SLC12A9: variants seen among roughly 807,000 people sequenced by gnomAD.
SLC12A9 encodes solute carrier family 12 member 9, also known as CCC-interacting protein 1.
Under a neutral mutation model 66.0 loss-of-function variants are expected in SLC12A9, and 55 were observed. That is an observed-to-expected ratio of 0.83 (90% CI 0.67 to 1.04). The LOEUF (loss-of-function observed/expected upper bound fraction) is 1.04, where lower values mean the gene tolerates loss of function less well. Ranked by LOEUF, SLC12A9 falls within the 50% of genes least tolerant of loss-of-function variation. The pLI, the probability that SLC12A9 is intolerant of heterozygous loss-of-function variation, is 0.00. For synonymous variants in SLC12A9, 577 were observed against 569.0 expected (o/e 1.01, Z -0.20); for missense variants, 1,061 against 1,241.9 (o/e 0.85, Z 2.19).
At chr7:100,865,169 G>C in intron 13 of SLC12A9, 1 of 1,214,428 alleles carries the variant, frequency 8.2e-7, no homozygotes, top group Non-Finnish European at 1.2e-6. Context: ...TATTGGCCAG[G>C]CTGGTCTCAA....
At chr7:100,862,966 A>G in intron 13 of SLC12A9, 139 bp downstream of exon 13, 1 of 1,021,778 alleles carries the variant, frequency 9.8e-7, no homozygotes, top group Non-Finnish European at 1.4e-6. Flanking sequence ...ACAGTGCTCA[A>G]AGATAATAGC....
intron 1 of SLC12A9, among the ~76,000 whole-genome samples, chr7:100,847,495 C>T (rs1275674237): frequency 6.6e-6 from 1 of 152,154 alleles, no homozygotes; most frequent in Non-Finnish European, 1.5e-5. Context: ...AGCTGCTCAG[C>T]TGAGAATAGA....
intron 1 of SLC12A9, among the ~76,000 whole-genome samples, chr7:100,835,487 T>C (rs1390580663): frequency 2.0e-5 from 3 of 150,252 alleles, no homozygotes; most frequent in Non-Finnish European, 4.4e-5. Flanking sequence ...CCGTCTCTAC[T>C]AAAAATACAA....
chr7:100,839,297 C>A (rs1336780466), intron 1 of SLC12A9, among the ~76,000 whole-genome samples: 2 of 151,928 alleles, frequency 1.3e-5, no homozygotes, highest in African/African-American at 4.8e-5. Context: ...GCACTCCAGC[C>A]TGGGCGACAG....
At chr7:100,860,522 T>G (rs1814684298) in intron 9 of SLC12A9, 1 of 440,244 alleles carries the variant, frequency 2.3e-6, no homozygotes, top group Non-Finnish European at 4.1e-6. Context: ...ACTAGTATTT[T>G]TCAGTATTCA....
At chr7:100,854,782 T>C in intron 3 of SLC12A9, 28 bp downstream of exon 3, 1 of 1,612,208 alleles carries the variant, frequency 6.2e-7, no homozygotes, top group Admixed American at 1.7e-5. Flanking sequence ...TGGACTGGGG[T>C]CTGGCCTGTT....
intron 1 of SLC12A9, among the ~76,000 whole-genome samples, chr7:100,828,008 T>A (rs951765763): frequency 3.3e-5 from 5 of 152,164 alleles, no homozygotes; most frequent in African/African-American, 9.7e-5. Flanking sequence ...GACTGCGTTT[T>A]GGGGGAAAAG....
chr7:100,849,051 C>T (rs997396486), upstream of SLC12A9, among the ~76,000 whole-genome samples: 2 of 150,972 alleles, frequency 1.3e-5, no homozygotes, highest in African/African-American at 2.4e-5. Context: ...CTGAACCTCC[C>T]GAGTAGCTGG....
Position 100,866,627 on chromosome 7 carries a change from G to A in SLC12A9, c.*22G>A. 6.6e-7 allele frequency: 1 copy of A among 1,511,804 alleles called. No individual in the cohort carries two copies. The highest frequency in any genetic ancestry group is 8.9e-7 in the Non-Finnish European group (1 of 1,126,216). 93.6% of individuals were successfully genotyped at this position (1,511,804 alleles called of 1,614,324 possible). ...GTGATGCCCCTGCCTCCAGGGCTAG[G>A]TAGAGAGGGCCCAGGCAGGCGGCCT... On this transcript the variant is annotated 3_prime_UTR_variant, in exon 14 of 14. Coordinates refer to ENST00000354161, the MANE Select transcript of SLC12A9 (RefSeq NM_020246.4). This position sits in a 1 kb window ranked among gnomAD's most constrained non-coding sequence, Gnocchi z 7.3.
At chr7:100,856,153 T>G (rs1814372237) in intron 4 of SLC12A9, 1 of 208,374 alleles carries the variant, frequency 4.8e-6, no homozygotes. Context: ...TGATAGCAGG[T>G]GGGCAGAGGA....
chr7:100,861,745 G>T lies in SLC12A9; in HGVS notation c.1545G>T (p.Lys515Asn). The T allele has an allele frequency of 6.2e-7, 1 of 1,614,166 alleles. No individual in the cohort carries two copies. The highest frequency in any genetic ancestry group is 8.5e-7 in the Non-Finnish European group (1 of 1,180,028). Residue 515 changes from lysine to asparagine, a missense_variant, in exon 12 of 14, where the codon AAG (lysine) becomes AAT (asparagine). Coordinates refer to ENST00000354161, the MANE Select transcript of SLC12A9 (RefSeq NM_020246.4). This position sits in a 1 kb window ranked among gnomAD's most constrained non-coding sequence, Gnocchi z 5.3. ...CTCACCCCTATACCCAGGTGCGTAA[G>T]TATCTGCTTCGGCTGGACGTCCGGA... ...SQALLFHQVRKYLLRLDVRKD... is the reference protein window; with the variant it reads ...SQALLFHQVRNYLLRLDVRKD...
chr7:100,862,318 G>A (rs924998531), intron 12 of SLC12A9, among the ~76,000 whole-genome samples: 2 of 152,054 alleles, frequency 1.3e-5, no homozygotes, highest in African/African-American at 4.8e-5. Context: ...GAGAGCAGTG[G>A]TGCCATCATA....
chr7:100,862,913 G>C, intron 13 of SLC12A9, 86 bp downstream of exon 13: 1 of 1,536,176 alleles, frequency 6.5e-7, no homozygotes, highest in Non-Finnish European at 8.9e-7. Flanking sequence ...GTCAGCCACA[G>C]ATTGCAAACT....
Position 100,861,638 on chromosome 7 carries a change from T to C in SLC12A9, c.1536+54T>C. The stretch of plus-strand genomic sequence containing the variant: ...AATGGGAGGTGGTCAAAGAACCCCC[T>C]CTCTCTTTGGCTGGAGTTGGTGCTC... On this transcript the variant is annotated intron_variant, in intron 11 of 13. Coordinates refer to ENST00000354161, the MANE Select transcript of SLC12A9 (RefSeq NM_020246.4). This position sits in a 1 kb window ranked among gnomAD's most constrained non-coding sequence, Gnocchi z 5.3. 1 of 1,606,026 alleles carries C rather than the reference T, an allele frequency of 6.2e-7. No homozygotes were observed. Among genetic ancestry groups the C allele is most frequent in the Non-Finnish European group, 8.5e-7 (1 of 1,175,030 alleles).
chr7:100,828,004 G>T (rs866640117), intron 1 of SLC12A9, among the ~76,000 whole-genome samples: 1 of 152,176 alleles, frequency 6.6e-6, no homozygotes, highest in Non-Finnish European at 1.5e-5. Context: ...CAGGGACTGC[G>T]TTTTGGGGGA....
intron 5 of SLC12A9, chr7:100,857,439 T>C (rs1415341264): frequency 5.7e-6 from 3 of 528,892 alleles, no homozygotes; most frequent in Middle Eastern, 5.0e-4. Flanking sequence ...ATCAGTTAAA[T>C]AGCACAGAAT....
intron 1 of SLC12A9, among the ~76,000 whole-genome samples, chr7:100,833,353 C>T (rs1813580559): frequency 1.3e-5 from 2 of 151,924 alleles, no homozygotes; most frequent in African/African-American, 4.8e-5. Context: ...CCTGTAATCC[C>T]AGCTACTCAG....
chr7:100,860,217 T>C lies in SLC12A9; in HGVS notation c.1203T>C (p.Ser401=). Residue 401 remains serine, a synonymous_variant, in exon 9 of 14, where the codon TCT becomes TCC. Transcript: ENST00000354161. ...GGNPWAAVLY[S]WGLVQLVLLA... Reference sequence around the variant, plus strand: ...ACCCCTGGGCAGCTGTACTTTATTCTTGGGGCCTGGTGCAGGTGAGCCTTC... The same window carrying C: ...ACCCCTGGGCAGCTGTACTTTATTCCTGGGGCCTGGTGCAGGTGAGCCTTC... 6.2e-6 allele frequency: 10 copies of C among 1,614,126 alleles called. No individual in the cohort carries two copies. Among genetic ancestry groups the C allele is most frequent in the Non-Finnish European group, 8.5e-6 (10 of 1,179,960 alleles).
intron 1 of SLC12A9, among the ~76,000 whole-genome samples, chr7:100,836,007 TG>T (rs954865462): frequency 6.6e-6 from 1 of 152,046 alleles, no homozygotes; most frequent in African/African-American, 2.4e-5. Context: ...GGAGAGGTAG[TG>T]GGAGGCTCAT....
Sources: allele counts gnomAD v4.1 joint callset (sites outside exome capture counted in the v4.1 genomes callset), GRCh38; gene constraint gnomAD v4.1.1; non-coding constraint Gnocchi (gnomAD v3.1); transcripts MANE v1.5; gene names NCBI Gene and HGNC (gene_info 2026-07-23, HGNC 2026-07-21).